Variants in NETO2 observed in about 807,000 individuals in gnomAD.
The protein encoded by NETO2 is neuropilin and tolloid like 2, also known as neuropilin and tolloid-like protein 2.
A neutral mutation model predicts 62.5 loss-of-function variants in NETO2; 28 were observed. That is an observed-to-expected ratio of 0.45 (90% CI 0.33 to 0.61). The LOEUF is 0.61. NETO2 is among the 20% of genes least tolerant of loss of function. The pLI is 0.02. For synonymous variants in NETO2, 214 were observed against 219.1 expected (o/e 0.98, Z 0.21); for missense variants, 548 against 643.2 (o/e 0.85, Z 1.60).
chr16:47,083,518 G>A lies in NETO2; in HGVS notation c.1281C>T (p.Arg427=). 1 of 1,614,220 alleles carries A rather than the reference G, an allele frequency of 6.2e-7. No homozygotes were observed. The highest frequency in any genetic ancestry group is 2.2e-5 in the East Asian group (1 of 44,884). ...GGATGCAGCGGGAGGCGGTGGAGGA[G>A]CGCCGCATCTTCTGGTAGTTGTCCA... ...EELDNYQKMR[R]SSTASRCIHD... is the part of the protein sequence containing the mutation. The change falls in exon 9 of 9, where the codon CGC becomes CGT. Residue 427 remains arginine, a synonymous_variant. Coordinates refer to ENST00000562435, the MANE Select transcript of NETO2 (RefSeq NM_018092.5).
intron 7 of NETO2, among the ~76,000 whole-genome samples, chr16:47,087,535 A>G (rs1963220245): frequency 1.3e-5 from 2 of 152,200 alleles, no homozygotes; most frequent in South Asian, 4.1e-4. Flanking sequence ...TAATGGTTGC[A>G]CAATAATGTG....
intron 7 of NETO2, among the ~76,000 whole-genome samples, chr16:47,088,261 A>G (rs1158795647): frequency 6.6e-6 from 1 of 152,086 alleles, no homozygotes; most frequent in Non-Finnish European, 1.5e-5. Flanking sequence ...ACGTGTCACC[A>G]TGCCCAGCTA....
At chr16:47,102,935 A>G (rs1196434309) in intron 7 of NETO2, among the ~76,000 whole-genome samples, 1 of 152,232 alleles carries the variant, frequency 6.6e-6, no homozygotes, top group African/African-American at 2.4e-5. Context: ...CAATCTCATT[A>G]CTGGATATAT....
chr16:47,115,700 T>TATATATATATATACATATATATATATAC (rs200546964), intron 6 of NETO2, among the ~76,000 whole-genome samples: 1 of 136,614 alleles, frequency 7.3e-6, no homozygotes, highest in African/African-American at 3.1e-5. Flanking sequence ...CTAATTTTTA[T>TATATATATATATACATATATATATATAC]ATATATATAT....
At chr16:47,127,975 A>AT (rs1964190293) in intron 4 of NETO2, among the ~76,000 whole-genome samples, 1 of 152,178 alleles carries the variant, frequency 6.6e-6, no homozygotes. Context: ...ATACAAAACA[A>AT]TTTTTGTGGG....
intron 7 of NETO2, among the ~76,000 whole-genome samples, chr16:47,094,217 A>G (rs191804611): frequency 6.6e-6 from 1 of 151,654 alleles, no homozygotes; most frequent in African/African-American, 2.4e-5. Context: ...TGCACTTATG[A>G]TAAGCAAAAT....
chr16:47,083,301 C>A lies in NETO2; in HGVS notation c.1498G>T (p.Val500Leu), dbSNP rs1963108709. 4 of 1,614,098 alleles carry A rather than the reference C, an allele frequency of 2.5e-6. No individual in the cohort carries two copies. Among genetic ancestry groups the A allele is most frequent in the African/African-American group, 1.3e-5 (1 of 74,942 alleles). Residue 500 changes from valine to leucine, a missense_variant, in exon 9 of 9, where the codon GTA (valine) becomes TTA (leucine). Val to Leu is a conservative substitution (Grantham distance 32). Transcript: ENST00000562435. ...ECPEQALEDR[V>L]MEEIPCEIYV... ...ATTTCACAGGGAATCTCCTCCATTA[C>A]TCGGTCTTCCAGGGCCTGCTCAGGG... is the stretch of plus-strand genomic sequence containing the variant.
At chr16:47,118,834 A>G (rs1291100975) in intron 6 of NETO2, among the ~76,000 whole-genome samples, 1 of 152,214 alleles carries the variant, frequency 6.6e-6, no homozygotes, top group Non-Finnish European at 1.5e-5. Flanking sequence ...CACTTAAAAA[A>G]TAACCTTTAT....
In NETO2 at chr16:47,082,258, T is replaced by G. The variant is rs1007537321; in HGVS notation, c.*963A>C. On this transcript the variant is annotated 3_prime_UTR_variant, in exon 9 of 9. Transcript: ENST00000562435. ...AAGGAATTTTAACTGGCATCTAACC[T>G]TGGTTACCATATGCTGTAAGCAAAA... 16 of 152,576 alleles carry G rather than the reference T, an allele frequency of 1.0e-4. No individual in the cohort carries two copies. Among genetic ancestry groups the G allele is most frequent in the African/African-American group, 3.4e-4 (14 of 41,472 alleles). 9.5% of individuals were successfully genotyped at this position (152,576 alleles called of 1,614,324 possible).
At position 47,083,232 on chromosome 16, in the gene NETO2, T is replaced by C; in HGVS notation, c.1567A>G (p.Ile523Val). 1 of 1,608,672 alleles carries C rather than the reference T, an allele frequency of 6.2e-7. No homozygotes were observed. The highest frequency in any genetic ancestry group is 8.5e-7 in the Non-Finnish European group (1 of 1,176,564). ...REDSAQASIS[I>V]DF ...CCATTAGCAGAAGATTAGAAGTCAA[T>C]GGATATGGATGCTTGTGCAGAATCT... The change falls in exon 9 of 9, where the codon ATT (isoleucine) becomes GTT (valine). Residue 523 changes from isoleucine (I) to valine (V), a missense_variant. By Grantham distance (29) the Ile-to-Val change is conservative. Transcript: ENST00000562435.
chr16:47,123,299 G>A (rs1415871033), intron 4 of NETO2, among the ~76,000 whole-genome samples: 1 of 152,124 alleles, frequency 6.6e-6, no homozygotes, highest in African/African-American at 2.4e-5. Flanking sequence ...GGTAATAGTT[G>A]CATAATACTG....
chr16:47,123,384 T>G (rs1214580771), intron 4 of NETO2, among the ~76,000 whole-genome samples: 1 of 152,140 alleles, frequency 6.6e-6, no homozygotes, highest in Non-Finnish European at 1.5e-5. Flanking sequence ...CTCATGCCTG[T>G]AGTGCCAGCT....
chr16:47,086,306 CTATGGCAAAAGA>C lies in NETO2; in HGVS notation c.905_916del (p.Phe302_Ser306delinsCys). 6.2e-7 allele frequency: 1 copy of C among 1,613,962 alleles called. No individual in the cohort carries two copies. The highest frequency in any genetic ancestry group is 8.5e-7 in the Non-Finnish European group (1 of 1,179,924). On this transcript the variant is annotated inframe_deletion, in exon 8 of 9. Coordinates refer to ENST00000562435, the MANE Select transcript of NETO2 (RefSeq NM_018092.5). ...TAAAGAATTATTGATGCACATGTTGCTATGGCAAAAGAAAGTGCTGCTTGTGCAGGGAGCTGC... is the reference window on the plus strand; with the variant it reads ...TAAAGAATTATTGATGCACATGTTGCAAGTGCTGCTTGTGCAGGGAGCTGC...
Position 47,078,822 on chromosome 16 carries a change from CG to C in NETO2, c.*4398del, listed in dbSNP as rs1488552240. The C allele has an allele frequency of 1.3e-5, 2 of 152,146 alleles. No homozygotes were observed. The highest frequency in any genetic ancestry group is 1.9e-4 in the East Asian group (1 of 5,196). 9.4% of individuals were successfully genotyped at this position (152,146 alleles called of 1,614,324 possible). On this transcript the variant is annotated 3_prime_UTR_variant, in exon 9 of 9. Coordinates refer to ENST00000562435, the MANE Select transcript of NETO2 (RefSeq NM_018092.5). ...ACAAACATTGCTTAGTAAGAATTCA[CG>C]GTGCCAAGGAATCATGGCAGCAAAA...
Position 47,083,786 on chromosome 16 carries a change from C to T in NETO2, c.1013G>A (p.Gly338Glu). Residue 338 changes from glycine to glutamate, a missense_variant, in exon 9 of 9, where the codon GGA becomes GAA. By Grantham distance (98) the Gly-to-Glu change is moderately conservative (BLOSUM62 -2). Transcript: ENST00000562435. Reference sequence around the variant, plus strand: ...AGTCTTAGTGATTTGTTCAAATACTCCTGCTTTTTTCTTTTCTGCAGAAAG... The same window carrying T: ...AGTCTTAGTGATTTGTTCAAATACTTCTGCTTTTTTCTTTTCTGCAGAAAG... ...ENHCKEKKKA[G>E]VFEQITKTHG... 2 of 1,579,762 alleles carry T rather than the reference C, an allele frequency of 1.3e-6. No individual in the cohort carries two copies. The highest frequency in any genetic ancestry group is 1.7e-6 in the Non-Finnish European group (2 of 1,161,226).
intron 7 of NETO2, among the ~76,000 whole-genome samples, chr16:47,098,595 A>C (rs980292014): frequency 5.3e-5 from 8 of 152,236 alleles, no homozygotes; most frequent in African/African-American, 1.7e-4. Flanking sequence ...CCAAGGTGGA[A>C]AACACTCTTC....
intron 6 of NETO2, 70 bp from the exon 7 acceptor site, chr16:47,109,781 CCA>C (rs1963753991): frequency 8.9e-7 from 1 of 1,127,506 alleles, no homozygotes; most frequent in Admixed American, 2.0e-5. Flanking sequence ...TTTCTATTTT[CCA>C]CAGACAACAT....
At chr16:47,131,863 A>G (rs1964272139) in intron 2 of NETO2, 106 bp downstream of exon 2, 3 of 888,834 alleles carry the variant, frequency 3.4e-6, no homozygotes, top group Admixed American at 1.9e-5. Flanking sequence ...GGTCACTGGA[A>G]CACCCCAAAG....
At chr16:47,109,095 T>C (rs566933324) in intron 7 of NETO2, among the ~76,000 whole-genome samples, 9 of 152,302 alleles carry the variant, frequency 5.9e-5, no homozygotes, top group Admixed American at 2.6e-4. Flanking sequence ...ACATGGTTTT[T>C]TCACCCATAC....
Sources: gnomAD v4.1 joint callset for allele counts (sites outside exome capture counted in the v4.1 genomes callset) on GRCh38, gnomAD v4.1.1 for gene constraint, MANE v1.5 for transcripts, NCBI Gene and HGNC (gene_info 2026-07-23, HGNC 2026-07-21) for gene names.